The following RNH1 variants were observed in gnomAD, a reference collection of about 807,000 sequenced individuals.
RNH1 encodes the protein ribonuclease inhibitor.
In RNH1, 38 loss-of-function variants were observed where a neutral mutation model predicts 46.1. That is an observed-to-expected ratio of 0.82 (90% CI 0.64 to 1.08). RNH1 has a LOEUF of 1.08. Ranked by LOEUF, RNH1 falls within the 50% of genes least tolerant of loss-of-function variation. RNH1 has a pLI of 0.00. For synonymous variants in RNH1, 319 were observed against 279.1 expected (o/e 1.14, Z -1.43); for missense variants, 577 against 590.7 (o/e 0.98, Z 0.24).
At position 498,452 on chromosome 11, in the gene RNH1, C is replaced by T. The variant is rs1053442920; in HGVS notation, c.956+5G>A. 2.5e-6 allele frequency: 4 copies of T among 1,611,906 alleles called. No individual in the cohort carries two copies. Among genetic ancestry groups the T allele is most frequent in the African/African-American group, 2.7e-5 (2 of 74,958 alleles). On this transcript the variant is annotated splice_donor_5th_base_variant and intron_variant, in intron 8 of 10. Coordinates refer to ENST00000354420, the MANE Select transcript of RNH1 (RefSeq NM_203387.3). ...ACAGGGCCCTGCCCCGACAGCCACACTCACCACAGCGACTCCAGCTGGCAG... is the reference window on the plus strand; with the variant it reads ...ACAGGGCCCTGCCCCGACAGCCACATTCACCACAGCGACTCCAGCTGGCAG...
In RNH1 at chr11:504,977, C is replaced by T. The variant is rs931170329; in HGVS notation, c.-241G>A. ...CTTTGGACACACCCTCCGTTTCTGT[C>T]AGTCAAGAGTTCTTCATGCCTGAGC... On this transcript the variant is annotated 5_prime_UTR_variant, in exon 2 of 11. Coordinates refer to ENST00000354420, the MANE Select transcript of RNH1 (RefSeq NM_203387.3). 6.6e-6 allele frequency: 1 copy of T among 152,198 alleles called. No individual in the cohort carries two copies. Among genetic ancestry groups the T allele is most frequent in the African/African-American group, 2.4e-5 (1 of 41,444 alleles). The allele number at this position is 152,198 out of a possible 1,614,324, so 9.4% of individuals were successfully genotyped here. A position where few individuals can be genotyped will look rare whatever the true frequency, so the allele number is the denominator to read the frequency against.
chr11:497,765 G>A (rs1317309283), intron 9 of RNH1, among the ~76,000 whole-genome samples: 5 of 149,082 alleles, frequency 3.4e-5, no homozygotes, highest in East Asian at 4.0e-4. Flanking sequence ...GTGCTCACAC[G>A]GACACGTGCT....
At chr11:497,351 G>A (rs1251072630) in intron 9 of RNH1, among the ~76,000 whole-genome samples, 3 of 127,330 alleles carry the variant, frequency 2.4e-5, no homozygotes, top group South Asian at 2.6e-4. Context: ...GCTCACACAC[G>A]GACACTCATG....
At chr11:496,444 C>T (rs533750803) in intron 9 of RNH1, among the ~76,000 whole-genome samples, 1 of 152,256 alleles carries the variant, frequency 6.6e-6, no homozygotes, top group South Asian at 2.1e-4. Flanking sequence ...CCGAGGCAGG[C>T]GGATCACGAG....
chr11:505,406 A>C (rs1445251322), intron 1 of RNH1: 2 of 152,198 alleles, frequency 1.3e-5, no homozygotes, highest in Non-Finnish European at 2.9e-5. Context: ...CCGGCATATA[A>C]TCATGAGAGT....
chr11:506,349 C>G (rs1297455782), intron 1 of RNH1: 1 of 152,220 alleles, frequency 6.6e-6, no homozygotes, highest in African/African-American at 2.4e-5. Flanking sequence ...TGGTTTCCCC[C>G]AAGGCGCGTG....
Position 499,317 on chromosome 11 carries a change from G to A in RNH1, c.444-132C>T, listed in dbSNP as rs1052446978. Reference sequence around the variant, plus strand: ...CCTGGGCATCAGGTGTCAGTGCTGAGGGACCCCCACAGACTCATCCAGAGG... The same window carrying A: ...CCTGGGCATCAGGTGTCAGTGCTGAAGGACCCCCACAGACTCATCCAGAGG... On this transcript the variant is annotated intron_variant, in intron 5 of 10. Coordinates refer to ENST00000354420, the MANE Select transcript of RNH1 (RefSeq NM_203387.3). The A allele has an allele frequency of 8.0e-6, 8 of 999,092 alleles. No homozygotes were observed. The Admixed American group carries it at 1.8e-4, about 22-fold the overall frequency. 61.9% of individuals were successfully genotyped at this position (999,092 alleles called of 1,614,324 possible). A position where few individuals can be genotyped will look rare whatever the true frequency, so the allele number is the denominator to read the frequency against.
chr11:497,670 CACGTGCTCACCCATGTGCTCACACACGG>C (rs1417957343), intron 9 of RNH1, among the ~76,000 whole-genome samples: 4 of 150,542 alleles, frequency 2.7e-5, no homozygotes, highest in Admixed American at 6.6e-5. Flanking sequence ...TGCTCACACA[CACGTGCTCACCCATGTGCTCACACACGG>C]ACACTCGTGC....
intron 10 of RNH1, 33 bp from the exon 11 acceptor site, chr11:494,811 G>C (rs767887125): frequency 3.7e-6 from 6 of 1,612,320 alleles, no homozygotes; most frequent in African/African-American, 1.3e-5. Context: ...GCATGGGCCC[G>C]TGTCCTCCCC....
Position 502,006 on chromosome 11 carries a change from G to A in RNH1, c.101+56C>T, listed in dbSNP as rs1849790357. 11 of 1,296,780 alleles carry A rather than the reference G, an allele frequency of 8.5e-6. No individual in the cohort carries two copies. The highest frequency in any genetic ancestry group is 2.4e-5 in the East Asian group (1 of 41,322). 80.3% of individuals were successfully genotyped at this position (1,296,780 alleles called of 1,614,324 possible). ...AGCAATGCACCCTTCAGAGGGAGCC[G>A]CCACCCGCCAGCCTGCCCCACCAGC... On this transcript the variant is annotated intron_variant, in intron 3 of 10. Transcript: ENST00000354420. This position sits in a 1 kb window ranked among gnomAD's most constrained non-coding sequence, Gnocchi z 5.8.
At position 502,468 on chromosome 11, in the gene RNH1, G is replaced by A; in HGVS notation, c.-87-219C>T. ...CCCATCTCCTGGCTATCACCACCCA[G>A]CCTCTGTGGGCACCTCCTCCTGCCC... On this transcript the variant is annotated intron_variant, in intron 2 of 10. Coordinates refer to ENST00000354420, the MANE Select transcript of RNH1 (RefSeq NM_203387.3). The surrounding 1 kb of genome is among the most constrained non-coding windows in gnomAD (Gnocchi z 5.8). 2.2e-6 allele frequency: 1 copy of A among 456,338 alleles called. No individual in the cohort carries two copies. Among genetic ancestry groups the A allele is most frequent in the Non-Finnish European group, 4.0e-6 (1 of 247,142 alleles). The allele number at this position is 456,338 out of a possible 1,614,324, so 28.3% of individuals were successfully genotyped here.
In RNH1 at chr11:495,066, G is replaced by A. The variant is rs749080613; in HGVS notation, c.1128-13C>T. ...GCAGTCGGCCAACCTGGGTGAAGCAGGGCGGGGGTCAGGGTGCCGGGCGTG... is the reference window on the plus strand; with the variant it reads ...GCAGTCGGCCAACCTGGGTGAAGCAAGGCGGGGGTCAGGGTGCCGGGCGTG... On this transcript the variant is annotated splice_polypyrimidine_tract_variant and intron_variant, in intron 9 of 10. Coordinates refer to ENST00000354420, the MANE Select transcript of RNH1 (RefSeq NM_203387.3). The A allele has an allele frequency of 6.2e-7, 1 of 1,600,626 alleles. No individual in the cohort carries two copies. The highest frequency in any genetic ancestry group is 8.5e-7 in the Non-Finnish European group (1 of 1,175,002).
At chr11:500,025 G>A (rs1849597927) in intron 4 of RNH1, 26 bp from the exon 5 acceptor site, 2 of 1,517,568 alleles carry the variant, frequency 1.3e-6, no homozygotes, top group African/African-American at 2.8e-5. Flanking sequence ...CTGTCAGCAG[G>A]GCTCCCCTGA....
chr11:497,812 C>T (rs1849306780), intron 9 of RNH1, among the ~76,000 whole-genome samples, 159 bp downstream of exon 9: 1 of 151,692 alleles, frequency 6.6e-6, no homozygotes, highest in African/African-American at 2.4e-5. Context: ...TGCTCACACT[C>T]ATATGCTCAC....
intron 9 of RNH1, among the ~76,000 whole-genome samples, chr11:496,326 T>G (rs1188636626): frequency 1.3e-5 from 2 of 152,066 alleles, no homozygotes; most frequent in Non-Finnish European, 2.9e-5. Context: ...TTGAGGTCAA[T>G]AGTTCAAGAC....
At chr11:497,467 C>T (rs1164104444) in intron 9 of RNH1, among the ~76,000 whole-genome samples, 1 of 118,880 alleles carries the variant, frequency 8.4e-6, no homozygotes, top group African/African-American at 3.3e-5. Context: ...ACTCGTGCTC[C>T]CTCTCGCCCA....
Position 502,603 on chromosome 11 carries a change from C to T in RNH1, c.-87-354G>A. On this transcript the variant is annotated intron_variant, in intron 2 of 10. Coordinates refer to ENST00000354420, the MANE Select transcript of RNH1 (RefSeq NM_203387.3). The surrounding 1 kb of genome is among the most constrained non-coding windows in gnomAD (Gnocchi z 5.8). Reference sequence around the variant, plus strand: ...GAGCCTGGAGGCCCCAGCAGGGGAGCAAGGGGGTCTGTGGGCTTGACCTGT... The same window carrying T: ...GAGCCTGGAGGCCCCAGCAGGGGAGTAAGGGGGTCTGTGGGCTTGACCTGT... The T allele has an allele frequency of 4.5e-6, 1 of 224,596 alleles. No homozygotes were observed. Among genetic ancestry groups the T allele is most frequent in the Non-Finnish European group, 9.1e-6 (1 of 109,482 alleles). 13.9% of individuals were successfully genotyped at this position (224,596 alleles called of 1,614,324 possible).
At chr11:499,279 C>A in intron 5 of RNH1, 94 bp from the exon 6 acceptor site, 1 of 1,374,182 alleles carries the variant, frequency 7.3e-7, no homozygotes, top group East Asian at 2.4e-5. Flanking sequence ...TCTCATCTCC[C>A]CTCAGTCTTC....
Position 501,169 on chromosome 11 carries a change from A to G in RNH1, c.102-515T>C, listed in dbSNP as rs1849717169. ...TATCTCTCGAAGGCACTGATCAGTCACAGGAGGAAAGGCAGTGGCGTCACA... is the reference window on the plus strand; with the variant it reads ...TATCTCTCGAAGGCACTGATCAGTCGCAGGAGGAAAGGCAGTGGCGTCACA... On this transcript the variant is annotated intron_variant, in intron 3 of 10. Transcript: ENST00000354420. The surrounding 1 kb of genome is among the most constrained non-coding windows in gnomAD (Gnocchi z 4.1). The G allele has an allele frequency of 8.0e-6, 2 of 250,496 alleles. No individual in the cohort carries two copies. Among genetic ancestry groups the G allele is most frequent in the Non-Finnish European group, 1.6e-5 (2 of 125,826 alleles). The allele number at this position is 250,496 out of a possible 1,614,324, so 15.5% of individuals were successfully genotyped here.
Sources: gnomAD v4.1 joint callset for allele counts (sites outside exome capture counted in the v4.1 genomes callset) on GRCh38, gnomAD v4.1.1 for gene constraint, Gnocchi (gnomAD v3.1) non-coding constraint, MANE v1.5 for transcripts, NCBI Gene and HGNC (gene_info 2026-07-23, HGNC 2026-07-21) for gene names.